Variants in FMNL1 observed in about 807,000 individuals in gnomAD.
FMNL1 encodes formin-like protein 1.
A neutral mutation model predicts 121.3 loss-of-function variants in FMNL1; 43 were observed. The observed-to-expected ratio is 0.35, with a 90% CI of 0.28 to 0.46. FMNL1 has a LOEUF of 0.46. Ranked by LOEUF, FMNL1 falls within the 20% of genes least tolerant of loss-of-function variation. FMNL1 has a pLI of 1.00. For missense variants in FMNL1, 1,191 were observed against 1,482.4 expected (o/e 0.80, Z 3.23); for synonymous variants, 613 against 613.5 (o/e 1.00, Z 0.01).
intron 1 of FMNL1, among the ~76,000 whole-genome samples, chr17:45,222,728 G>A (rs2043254528): frequency 6.6e-6 from 1 of 152,212 alleles, no homozygotes; most frequent in Admixed American, 6.5e-5. Context: ...GGGCTGCGGG[G>A]AATGGGGTTG....
chr17:45,242,296 G>T (rs778570879), intron 15 of FMNL1, 45 bp from the exon 16 acceptor site: 2 of 1,605,658 alleles, frequency 1.2e-6, no homozygotes. Flanking sequence ...GTTCCCTCCA[G>T]TAGTACCCCC....
chr17:45,232,594 A>T (rs904984060), intron 3 of FMNL1, 114 bp downstream of exon 3: 6 of 908,596 alleles, frequency 6.6e-6, no homozygotes, highest in Non-Finnish European at 8.7e-6. Flanking sequence ...TGCATGTATG[A>T]GTGTGTGTGT....
intron 16 of FMNL1, among the ~76,000 whole-genome samples, 188 bp from the exon 17 acceptor site, chr17:45,242,930 G>C (rs2043741712): frequency 6.6e-6 from 1 of 152,146 alleles, no homozygotes; most frequent in African/African-American, 2.4e-5. Context: ...CGGGTTAGGC[G>C]GCCCTCCTCC....
rs140264273 is a variant in FMNL1, at chr17:45,238,846, T to C, written c.970-109T>C. 358 of 1,112,206 alleles carry C rather than the reference T, an allele frequency of 3.2e-4. 1 individual carries two copies. The African/African-American group carries it at 5.0e-3, about 16-fold the overall frequency. The allele number at this position is 1,112,206 out of a possible 1,614,324, so 68.9% of individuals were successfully genotyped here. On this transcript the variant is annotated intron_variant, in intron 10 of 26. Transcript: ENST00000331495. ...TGGGCAGGCCAAGGCTGGGAGTTAG[T>C]GGAGTGAGAACTGTGGAGAAGGAGG...
In FMNL1 at chr17:45,241,554, A is replaced by C; in HGVS notation, c.1505A>C (p.Glu502Ala). 6.4e-7 allele frequency: 1 copy of C among 1,572,528 alleles called. No homozygotes were observed. Among genetic ancestry groups the C allele is most frequent in the Non-Finnish European group, 8.6e-7 (1 of 1,159,654 alleles). ...LRGPGDAVSIEILPVAVATPS... is the reference protein window; with the variant it reads ...LRGPGDAVSIAILPVAVATPS... The stretch of plus-strand genomic sequence containing the variant: ...GGGCCGGGGGATGCTGTCTCCATCG[A>C]GATCCTCCCCGTCGCTGTGGCAACT... The change falls in exon 14 of 27, where the codon GAG becomes GCG. Residue 502 changes from glutamate (E) to alanine (A), a missense_variant. By Grantham distance (107) the Glu-to-Ala change is moderately radical. Transcript: ENST00000331495. The surrounding 1 kb of genome is among the most constrained non-coding windows in gnomAD (Gnocchi z 7.0).
intron 15 of FMNL1, 86 bp from the exon 16 acceptor site, chr17:45,242,238 GGCCTCCTGCTGCCTCCT>G (rs1368755904): frequency 2.7e-5 from 42 of 1,573,922 alleles, no homozygotes; most frequent in Non-Finnish European, 3.5e-5. Flanking sequence ...TCTGCCTGGG[GGCCTCCTGCTGCCTCCT>G]GGCTGCCCCA....
intron 1 of FMNL1, among the ~76,000 whole-genome samples, chr17:45,230,395 C>T (rs149464217): frequency 1.2e-4 from 19 of 152,298 alleles, no homozygotes; most frequent in Non-Finnish European, 2.6e-4. Flanking sequence ...CCTGCTCTCC[C>T]TTCTAGCTGG....
Position 45,241,251 on chromosome 17 carries a change from A to T in FMNL1, c.1332+21A>T. The stretch of plus-strand genomic sequence containing the variant: ...TGCGGGTGAGGCTGGGGCGGGTGGT[A>T]GGCCAGGCGCCCAAGAACAGGCCAG... On this transcript the variant is annotated intron_variant, in intron 13 of 26. Transcript: ENST00000331495. The surrounding 1 kb of genome is among the most constrained non-coding windows in gnomAD (Gnocchi z 7.0). 6.2e-7 allele frequency: 1 copy of T among 1,613,802 alleles called. No homozygotes were observed. The highest frequency in any genetic ancestry group is 1.1e-5 in the South Asian group (1 of 91,030).
At chr17:45,236,421 C>T (rs1567964131) in intron 7 of FMNL1, 177 bp downstream of exon 7, 1 of 545,208 alleles carries the variant, frequency 1.8e-6, no homozygotes, top group Non-Finnish European at 3.2e-6. Flanking sequence ...GAGGGGAAGC[C>T]CATGTTTTTG....
chr17:45,242,579 G>C (rs990313033), intron 16 of FMNL1, 114 bp downstream of exon 16: 15 of 1,462,236 alleles, frequency 1.0e-5, no homozygotes, highest in Middle Eastern at 4.9e-4. Context: ...CAGATGAGGA[G>C]GGGGAGGCCC....
intron 22 of FMNL1, 97 bp downstream of exon 22, chr17:45,245,513 G>A (rs1272023004): frequency 1.9e-6 from 3 of 1,604,246 alleles, no homozygotes; most frequent in Admixed American, 1.7e-5. Context: ...CCCTTGGGGG[G>A]ATGCAGCAGG....
In FMNL1 at chr17:45,245,235, G is replaced by A. The variant is rs1299615962; in HGVS notation, c.2729-18G>A. On this transcript the variant is annotated intron_variant, in intron 21 of 26. Coordinates refer to ENST00000331495, the MANE Select transcript of FMNL1 (RefSeq NM_005892.4). Reference sequence around the variant, plus strand: ...CTCTCCGATTCACTGACCTGATACTGCCCCATCCCTGGCCCAGTGTCCCTG... The same window carrying A: ...CTCTCCGATTCACTGACCTGATACTACCCCATCCCTGGCCCAGTGTCCCTG... 6.2e-7 allele frequency: 1 copy of A among 1,614,092 alleles called. No homozygotes were observed. Among genetic ancestry groups the A allele is most frequent in the Admixed American group, 1.7e-5 (1 of 60,026 alleles).
rs200547847 is a variant in FMNL1, at chr17:45,236,168, G to A, written c.647G>A (p.Arg216Gln). ...CCAGCCCACAGCAGGAAGGCCCTGCGGAATTCCCGCATCGTCAGCCAGAAG... is the reference window on the plus strand; with the variant it reads ...CCAGCCCACAGCAGGAAGGCCCTGCAGAATTCCCGCATCGTCAGCCAGAAG... ...LTPAHSRKAL[R>Q]NSRIVSQKDD... Residue 216 changes from arginine (R) to glutamine (Q), a missense_variant, in exon 7 of 27, where the codon CGG becomes CAG. This residue lies in a region of FMNL1 where 253 missense variants were observed against 417.5 expected (regional missense o/e 0.61). Transcript: ENST00000331495. The A allele has an allele frequency of 9.9e-6, 16 of 1,613,504 alleles. No homozygotes were observed. The South Asian group carries it at 1.2e-4, about 12-fold the overall frequency.
chr17:45,241,242 G>A lies in FMNL1; in HGVS notation c.1332+12G>A, dbSNP rs1164684103. ...TGGAGACCCTGCGGGTGAGGCTGGG[G>A]CGGGTGGTAGGCCAGGCGCCCAAGA... is the stretch of plus-strand genomic sequence containing the variant. On this transcript the variant is annotated intron_variant, in intron 13 of 26. Transcript: ENST00000331495. This position sits in a 1 kb window ranked among gnomAD's most constrained non-coding sequence, Gnocchi z 7.0. The A allele has an allele frequency of 3.1e-6, 5 of 1,613,952 alleles. No individual in the cohort carries two copies. The highest frequency in any genetic ancestry group is 4.2e-6 in the Non-Finnish European group (5 of 1,179,968).
chr17:45,232,286 T>C (rs574121975), intron 2 of FMNL1, 81 bp from the exon 3 acceptor site: 43 of 1,272,382 alleles, frequency 3.4e-5, no homozygotes, highest in Admixed American at 2.3e-4. Context: ...GAGCTGAGAA[T>C]GGGACACTGG....
intron 1 of FMNL1, 81 bp from the exon 2 acceptor site, chr17:45,230,523 G>A: frequency 2.2e-6 from 3 of 1,335,654 alleles, no homozygotes; most frequent in Non-Finnish European, 3.2e-6. Flanking sequence ...GGAGCCAAGT[G>A]GGTTTCCCCC....
At position 45,238,575 on chromosome 17, in the gene FMNL1, G is replaced by A; in HGVS notation, c.906G>A (p.Glu302=). Residue 302 remains glutamate (E), a synonymous_variant, in exon 10 of 27, where the codon GAG becomes GAA. Transcript: ENST00000331495. ...AFDNFKEVCG[E]QHRFEKLMEY... is the part of the protein sequence containing the mutation. The stretch of plus-strand genomic sequence containing the variant: ...TTCCCCTTACCCAGGTGTGTGGGGA[G>A]CAGCACCGCTTTGAAAAGCTGATGG... 1.2e-6 allele frequency: 2 copies of A among 1,614,202 alleles called. No individual in the cohort carries two copies. The highest frequency in any genetic ancestry group is 1.7e-6 in the Non-Finnish European group (2 of 1,180,016).
At chr17:45,230,110 G>A (rs999011735) in intron 1 of FMNL1, among the ~76,000 whole-genome samples, 1 of 152,210 alleles carries the variant, frequency 6.6e-6, no homozygotes, top group African/African-American at 2.4e-5. Flanking sequence ...GGTGCCCTGG[G>A]CCTGGTCTGT....
At chr17:45,246,051 A>G (rs1368678526) in intron 24 of FMNL1, 78 bp downstream of exon 24, 1 of 1,515,892 alleles carries the variant, frequency 6.6e-7, no homozygotes, top group South Asian at 1.3e-5. Flanking sequence ...CCACCCCCAC[A>G]CCCTCACTGT....
Sources: allele counts gnomAD v4.1 joint callset (sites outside exome capture counted in the v4.1 genomes callset), GRCh38; gene constraint gnomAD v4.1.1; regional missense constraint gnomAD v4.1.1; non-coding constraint Gnocchi (gnomAD v3.1); transcripts MANE v1.5; gene names NCBI Gene and HGNC (gene_info 2026-07-23, HGNC 2026-07-21).